The following FBLN7 variants were observed in gnomAD, a reference collection of about 807,000 sequenced individuals.
FBLN7 encodes fibulin 7, also known as fibulin-7.
In FBLN7, 31 loss-of-function variants were observed where a neutral mutation model predicts 44.0. The ratio of observed to expected loss-of-function variants is 0.70; its 90% CI spans 0.53 to 0.95. The LOEUF (loss-of-function observed/expected upper bound fraction) is 0.95. FBLN7 is among the 40% of genes least tolerant of loss of function. FBLN7 has a pLI of 0.00. For synonymous variants in FBLN7, 262 were observed against 253.4 expected (o/e 1.03, Z -0.32); for missense variants, 573 against 618.5 (o/e 0.93, Z 0.78).
At chr2:112,174,619 G>A (rs1414761800) in intron 3 of FBLN7, among the ~76,000 whole-genome samples, 1 of 152,192 alleles carries the variant, frequency 6.6e-6, no homozygotes, top group African/African-American at 2.4e-5. Flanking sequence ...TCTCTCTGAT[G>A]GAAATGGCCT....
At chr2:112,158,479 A>G (rs1681551647) in intron 1 of FBLN7, among the ~76,000 whole-genome samples, 1 of 151,938 alleles carries the variant, frequency 6.6e-6, no homozygotes, top group Non-Finnish European at 1.5e-5. Context: ...TCTGTTGCCC[A>G]GCCTGGAGTG....
downstream of FBLN7, chr2:112,190,108 GTA>G (rs925857211): frequency 6.6e-6 from 1 of 152,142 alleles, no homozygotes; most frequent in African/African-American, 2.4e-5. Context: ...ATTTTTCACA[GTA>G]TGAGTTTTTC....
Position 112,159,803 on chromosome 2 carries a change from C to T in FBLN7, c.203C>T (p.Ser68Phe), listed in dbSNP as rs1277363305. 6.3e-7 allele frequency: 1 copy of T among 1,582,696 alleles called. No homozygotes were observed. The highest frequency in any genetic ancestry group is 8.6e-7 in the Non-Finnish European group (1 of 1,165,860). ...MKSRLAALQN[S>F]VGRVGPDALP... ...AGCCGGCTGGCCGCGCTGCAGAACT[C>T]TGTGGGCAGGGTGGGCCCAGATGCC... is the stretch of plus-strand genomic sequence containing the variant. Residue 68 changes from serine to phenylalanine, a missense_variant, in exon 2 of 8, where the codon TCT becomes TTT. Ser to Phe is a radical substitution (Grantham distance 155). Coordinates refer to ENST00000331203, the MANE Select transcript of FBLN7 (RefSeq NM_153214.3).
chr2:112,175,480 G>A (rs1329228766), intron 3 of FBLN7, among the ~76,000 whole-genome samples: 1 of 152,262 alleles, frequency 6.6e-6, no homozygotes, highest in Non-Finnish European at 1.5e-5. Context: ...GGTGGGCAGT[G>A]TGTGCCTGGG....
At chr2:112,173,062 A>G (rs952359309) in intron 3 of FBLN7, among the ~76,000 whole-genome samples, 1 of 152,238 alleles carries the variant, frequency 6.6e-6, no homozygotes, top group Non-Finnish European at 1.5e-5. Flanking sequence ...CAAACTGTGC[A>G]CAACAAGGAA....
chr2:112,197,274 C>CACAGAGAGAG, the FBLN7 span, among the ~76,000 whole-genome samples: 6 of 98,596 alleles, frequency 6.1e-5, no homozygotes, highest in Non-Finnish European at 1.1e-4. Flanking sequence ...CACACACACA[C>CACAGAGAGAG]AGAGAGAGAG....
intron 4 of FBLN7, among the ~76,000 whole-genome samples, chr2:112,181,042 G>A (rs1017498319): frequency 6.6e-6 from 1 of 151,872 alleles, no homozygotes; most frequent in Non-Finnish European, 1.5e-5. Context: ...GTGGAAACAT[G>A]GATGGAGCTG....
Position 112,160,747 on chromosome 2 carries a change from C to A in FBLN7, c.235+912C>A, listed in dbSNP as rs1295186392. ...GCACACGCACGCACACGCACACACG[C>A]GCACGCACACACGCACGCACACGCA... On this transcript the variant is annotated intron_variant, in intron 2 of 7. Coordinates refer to ENST00000331203, the MANE Select transcript of FBLN7 (RefSeq NM_153214.3). 3.9e-4 allele frequency among the ~76,000 whole-genome samples: 36 copies of A among 93,274 alleles called. No individual in the cohort carries two copies. The East Asian group carries it at 8.2e-3, about 21-fold the overall frequency. The allele number at this position is 93,274 out of a possible 152,430, so 61.2% of individuals were successfully genotyped here. A position where few individuals can be genotyped will look rare whatever the true frequency, so the allele number is the denominator to read the frequency against.
chr2:112,160,066 C>T (rs1681660854), intron 2 of FBLN7, among the ~76,000 whole-genome samples: 1 of 152,196 alleles, frequency 6.6e-6, no homozygotes, highest in Admixed American at 6.5e-5. Context: ...TCTCGGCTCA[C>T]TGCAAGCTCC....
chr2:112,201,335 TG>T, the FBLN7 span, among the ~76,000 whole-genome samples: 1 of 152,204 alleles, frequency 6.6e-6, no homozygotes, highest in Non-Finnish European at 1.5e-5. Context: ...ACCACAGCCT[TG>T]TCACAGGTCC....
At chr2:112,166,202 C>T (rs1228861065) in intron 3 of FBLN7, among the ~76,000 whole-genome samples, 1 of 152,208 alleles carries the variant, frequency 6.6e-6, no homozygotes, top group African/African-American at 2.4e-5. Context: ...AGGTGCCCAC[C>T]ACCACGTTCA....
At chr2:112,241,336 G>A in the FBLN7 span, among the ~76,000 whole-genome samples, 2 of 152,126 alleles carry the variant, frequency 1.3e-5, no homozygotes, top group Non-Finnish European at 2.9e-5. Flanking sequence ...CCCACATGGA[G>A]GTACTAAATC....
intron 1 of FBLN7, among the ~76,000 whole-genome samples, chr2:112,139,983 G>C (rs375764531): frequency 2.1e-4 from 12 of 58,340 alleles, no homozygotes; most frequent in South Asian, 8.3e-4. Context: ...CCTCTCTCCA[G>C]GCCAGCGTCC....
the FBLN7 span, chr2:112,215,079 A>G: frequency 2.0e-5 from 3 of 152,124 alleles, no homozygotes; most frequent in African/African-American, 7.2e-5. Flanking sequence ...TCTATACTTT[A>G]TAAGTATCAA....
chr2:112,236,462 C>CA, the FBLN7 span: 1 of 1,475,912 alleles, frequency 6.8e-7, no homozygotes, highest in South Asian at 1.4e-5. Flanking sequence ...GGGATGCTTC[C>CA]ACCTCTCCAT....
intron 2 of FBLN7, among the ~76,000 whole-genome samples, chr2:112,163,395 A>G (rs1427486482): frequency 6.6e-6 from 1 of 152,252 alleles, no homozygotes; most frequent in Non-Finnish European, 1.5e-5. Flanking sequence ...TTAAAATATG[A>G]ACATGGCAAA....
At chr2:112,222,452 C>A in the FBLN7 span, among the ~76,000 whole-genome samples, 1 of 151,882 alleles carries the variant, frequency 6.6e-6, no homozygotes, top group South Asian at 2.1e-4. Flanking sequence ...AGGCTGTGCC[C>A]TAAAAAAAGA....
At chr2:112,180,143 AAAAC>A (rs549634874) in intron 4 of FBLN7, among the ~76,000 whole-genome samples, 24 of 152,328 alleles carry the variant, frequency 1.6e-4, no homozygotes, top group East Asian at 7.7e-4. Flanking sequence ...TTACAAGAGA[AAAAC>A]AAACAACCCC....
chr2:112,140,391 G>A (rs923153739), intron 1 of FBLN7, among the ~76,000 whole-genome samples: 4 of 152,214 alleles, frequency 2.6e-5, no homozygotes, highest in Non-Finnish European at 4.4e-5. Context: ...ACCAAGGCTG[G>A]GGGACCCGGG....
Sources: gnomAD v4.1 joint callset for allele counts (sites outside exome capture counted in the v4.1 genomes callset) on GRCh38, gnomAD v4.1.1 for gene constraint, MANE v1.5 for transcripts, NCBI Gene and HGNC (gene_info 2026-07-23, HGNC 2026-07-21) for gene names.